The following ARHGAP30 variants were observed in gnomAD, a reference collection of about 807,000 sequenced individuals.
The protein encoded by ARHGAP30 is rho GTPase-activating protein 30.
ARHGAP30 carries 23 observed loss-of-function variants against 72.0 expected under a neutral mutation model. The observed-to-expected ratio is 0.32, with a 90% confidence interval of 0.23 to 0.45. The LOEUF is 0.45. Ranked by LOEUF, ARHGAP30 falls within the 20% of genes least tolerant of loss-of-function variation. The pLI, the probability that ARHGAP30 is intolerant of heterozygous loss-of-function variation, is 1.00. For missense variants in ARHGAP30, 1,319 were observed against 1,383.4 expected (o/e 0.95, Z 0.74); for synonymous variants, 576 against 528.2 (o/e 1.09, Z -1.24).
chr1:161,047,264 C>A lies in ARHGAP30; in HGVS notation c.*451G>T. On this transcript the variant is annotated 3_prime_UTR_variant, in exon 12 of 12. Coordinates refer to ENST00000368013, the MANE Select transcript of ARHGAP30 (RefSeq NM_001025598.2). ...AAAGGGACAGGAGGTATCTTAGGGT[C>A]CAAGAACATAACAGGAATGGGCAAC... 1 of 204,846 alleles carries A rather than the reference C, an allele frequency of 4.9e-6. No homozygotes were observed. The allele number at this position is 204,846 out of a possible 1,614,324, so 12.7% of individuals were successfully genotyped here.
chr1:161,069,856 A>G lies in ARHGAP30; in HGVS notation c.-232T>C. On this transcript the variant is annotated 5_prime_UTR_variant, in exon 1 of 12. Coordinates refer to ENST00000368013, the MANE Select transcript of ARHGAP30 (RefSeq NM_001025598.2). This position sits in a 1 kb window ranked among gnomAD's most constrained non-coding sequence, Gnocchi z 4.9. ...GAAGCTACCAGGACCCTGGCAAGAA[A>G]TTGTGTCCTGTGTCTCGTGGCCCAG... 3.5e-6 allele frequency: 2 copies of G among 570,026 alleles called. No homozygotes were observed. Among genetic ancestry groups the G allele is most frequent in the Non-Finnish European group, 6.3e-6 (2 of 316,938 alleles). The allele number at this position is 570,026 out of a possible 1,614,324, so 35.3% of individuals were successfully genotyped here. A position where few individuals can be genotyped will look rare whatever the true frequency, so the allele number is the denominator to read the frequency against.
rs376275626 is a variant in ARHGAP30, at chr1:161,065,868, CTTATTTAT to C, written c.97+3652_97+3659del. Among the ~76,000 whole-genome samples, 897 of 133,238 alleles carry C rather than the reference CTTATTTAT, an allele frequency of 6.7e-3. 9 individuals carry two copies. Among genetic ancestry groups the C allele is most frequent in the East Asian group, 0.028 (127 of 4,616 alleles). 87.4% of individuals were successfully genotyped at this position (133,238 alleles called of 152,430 possible). On this transcript the variant is annotated intron_variant, in intron 1 of 11. Transcript: ENST00000368013. ...AGGCGTGAGCCACTGCACCCGGCCCCTTATTTATTTATTTATTTATTTATTTATTTATT... is the reference window on the plus strand; with the variant it reads ...AGGCGTGAGCCACTGCACCCGGCCCCTTATTTATTTATTTATTTATTTATT...
rs1360810321 is a variant in ARHGAP30 at position 161,069,414 on chromosome 1, C to T, written c.97+114G>A. On this transcript the variant is annotated intron_variant, in intron 1 of 11. Transcript: ENST00000368013. This position sits in a 1 kb window ranked among gnomAD's most constrained non-coding sequence, Gnocchi z 4.9. The stretch of plus-strand genomic sequence containing the variant: ...GTTCTCTTGAATGGTGACCCCAGGC[C>T]ACTGCCCCTTCCCCAGGAGCACCGG... The T allele has an allele frequency of 9.6e-7, 1 of 1,040,534 alleles. No homozygotes were observed. The highest frequency in any genetic ancestry group is 1.4e-6 in the Non-Finnish European group (1 of 696,358). 64.5% of individuals were successfully genotyped at this position (1,040,534 alleles called of 1,614,324 possible).
chr1:161,048,150 A>G lies in ARHGAP30; in HGVS notation c.2871T>C (p.Ile957=). The G allele has an allele frequency of 1.2e-6, 2 of 1,614,170 alleles. No homozygotes were observed. Among genetic ancestry groups the G allele is most frequent in the Non-Finnish European group, 1.7e-6 (2 of 1,180,024 alleles). Residue 957 remains isoleucine (I), a synonymous_variant, in exon 12 of 12, where the codon ATT becomes ATC. Coordinates refer to ENST00000368013, the MANE Select transcript of ARHGAP30 (RefSeq NM_001025598.2). ...GGCATGGATTTGCAGGTGCCACATG[A>G]ATCTTGCTACACATTGCACTGGGCA... ...AKMPSAMCSK[I]HVAPANPCPR...
chr1:161,054,423 G>T lies in ARHGAP30; in HGVS notation c.479C>A (p.Ala160Asp), dbSNP rs1262738248. ...RHLVHMASFS[A>D]QTNMHARNLA... is the part of the protein sequence containing the mutation. ...GTTGCGAGCATGCATGTTGGTCTGGGCACTGAATGAGGCCATGTGTACCAA... is the reference window on the plus strand; with the variant it reads ...GTTGCGAGCATGCATGTTGGTCTGGTCACTGAATGAGGCCATGTGTACCAA... Residue 160 changes from alanine to aspartate, a missense_variant, in exon 5 of 12, where the codon GCC (alanine) becomes GAC (aspartate). By Grantham distance (126) the Ala-to-Asp change is moderately radical. Around this residue, in one of 2 missense-constraint regions of ARHGAP30, gnomAD observed 222 missense variants for 338.2 expected, o/e 0.66. Coordinates refer to ENST00000368013, the MANE Select transcript of ARHGAP30 (RefSeq NM_001025598.2). 6.2e-7 allele frequency: 1 copy of T among 1,614,046 alleles called. No homozygotes were observed. The highest frequency in any genetic ancestry group is 1.1e-5 in the South Asian group (1 of 91,064).
At position 161,048,144 on chromosome 1, in the gene ARHGAP30, C is replaced by G; in HGVS notation, c.2877G>C (p.Val959=). Residue 959 remains valine, a synonymous_variant, in exon 12 of 12, where the codon GTG becomes GTC. Transcript: ENST00000368013. ...MPSAMCSKIH[V]APANPCPRPG... is the part of the protein sequence containing the mutation. ...GCCTCGGGCATGGATTTGCAGGTGC[C>G]ACATGAATCTTGCTACACATTGCAC... is the stretch of plus-strand genomic sequence containing the variant. 1 of 1,614,176 alleles carries G rather than the reference C, an allele frequency of 6.2e-7. No individual in the cohort carries two copies. The highest frequency in any genetic ancestry group is 8.5e-7 in the Non-Finnish European group (1 of 1,180,024).
chr1:161,055,034 T>G (rs544411778), intron 3 of ARHGAP30, among the ~76,000 whole-genome samples: 1 of 152,282 alleles, frequency 6.6e-6, no homozygotes, highest in Non-Finnish European at 1.5e-5. Flanking sequence ...GTTATTTCAG[T>G]GTGTCCAGGA....
Position 161,053,275 on chromosome 1 carries a change from C to A in ARHGAP30, c.647G>T (p.Gly216Val), listed in dbSNP as rs150160922. The change falls in exon 6 of 12, where the codon GGG becomes GTG. Residue 216 changes from glycine to valine, a missense_variant. Gly to Val is a moderately radical substitution (Grantham distance 109). Coordinates refer to ENST00000368013, the MANE Select transcript of ARHGAP30 (RefSeq NM_001025598.2). ...ACACTGACCAGAGAGGGCAGCACCC[C>A]CAAAGAGCTGGTCCACGTGTGTGAG... The part of the protein sequence containing the change: ...FILTHVDQLF[G>V]GAALSGGEVE... 1.9e-6 allele frequency: 3 copies of A among 1,613,816 alleles called. No homozygotes were observed. In the African/African-American group the frequency reaches 4.0e-5, roughly 22 times the overall value.
chr1:161,048,845 CCTT>C lies in ARHGAP30; in HGVS notation c.2173_2175del (p.Lys725del), dbSNP rs752827763. ...ACACCTTTAGCCTCCATACTGTCAG[CCTT>C]CTTCTGACCTTTGGACTTCTCTTCC... On this transcript the variant is annotated inframe_deletion, in exon 12 of 12. Transcript: ENST00000368013. 7.6e-5 allele frequency: 122 copies of C among 1,614,024 alleles called. No homozygotes were observed. Among genetic ancestry groups the C allele is most frequent in the Middle Eastern group, 1.6e-4 (1 of 6,084 alleles).
chr1:161,064,779 A>AAG (rs1306731099), intron 1 of ARHGAP30, among the ~76,000 whole-genome samples: 1,473 of 98,132 alleles, frequency 0.015, 32 homozygotes, highest in Admixed American at 0.018. Context: ...GAAAGAAAGA[A>AAG]AAAGAAAGAA....
rs767642061 is a variant in ARHGAP30, at chr1:161,047,888, G to A, written c.3133C>T (p.Arg1045Trp). 11 of 1,611,846 alleles carry A rather than the reference G, an allele frequency of 6.8e-6. No homozygotes were observed. The highest frequency in any genetic ancestry group is 6.6e-5 in the South Asian group (6 of 90,836). ...GGGAGCTCCAGGCAGCTAAGGGGCC[G>A]AGGAGAATGGGCAGAGATCATGCTA... ...PCSMISAHSP[R>W]PLSCLELPSE... is the part of the protein sequence containing the mutation. Residue 1045 changes from arginine (R) to tryptophan (W), a missense_variant, in exon 12 of 12, where the codon CGG (arginine) becomes TGG (tryptophan). Physicochemically the swap from Arg to Trp is moderately radical, Grantham distance 101. This residue lies in a region of ARHGAP30 where 1,097 missense variants were observed against 1,045.2 expected (regional missense o/e 1.05). Transcript: ENST00000368013.
chr1:161,065,899 ATTT>A (rs1246052039), intron 1 of ARHGAP30, among the ~76,000 whole-genome samples: 1 of 137,040 alleles, frequency 7.3e-6, no homozygotes, highest in East Asian at 2.2e-4. Context: ...TTATTTATTT[ATTT>A]ATTTATTTAT....
At chr1:161,050,064 A>C (rs1463936443) in intron 10 of ARHGAP30, among the ~76,000 whole-genome samples, 2 of 152,172 alleles carry the variant, frequency 1.3e-5, no homozygotes, top group Non-Finnish European at 2.9e-5. Flanking sequence ...TCTATAGCCC[A>C]TGTTCTTACC....
intron 5 of ARHGAP30, among the ~76,000 whole-genome samples, chr1:161,054,161 G>A (rs1651657175): frequency 1.3e-5 from 2 of 152,146 alleles, no homozygotes; most frequent in South Asian, 4.1e-4. Context: ...TGCCTTTTAG[G>A]GACTTTATTT....
At position 161,054,719 on chromosome 1, in the gene ARHGAP30, G is replaced by C; in HGVS notation, c.346-14C>G. The C allele has an allele frequency of 6.2e-7, 1 of 1,613,222 alleles. No individual in the cohort carries two copies. The highest frequency in any genetic ancestry group is 8.5e-7 in the Non-Finnish European group (1 of 1,179,340). On this transcript the variant is annotated splice_polypyrimidine_tract_variant and intron_variant, in intron 3 of 11. Coordinates refer to ENST00000368013, the MANE Select transcript of ARHGAP30 (RefSeq NM_001025598.2). The stretch of plus-strand genomic sequence containing the variant: ...TCCTACAGCCTCCTGATTGAGAAGA[G>C]TGCAAGAAGCAGGAATCAGTGACCC...
At chr1:161,064,816 A>G (rs1040317537) in intron 1 of ARHGAP30, among the ~76,000 whole-genome samples, 2 of 64,912 alleles carry the variant, frequency 3.1e-5, no homozygotes, top group African/African-American at 2.0e-4. Context: ...AGAAAGAAAG[A>G]AAGAAAGAAA....
At chr1:161,056,668 A>G in intron 2 of ARHGAP30, 136 bp from the exon 3 acceptor site, 1 of 932,630 alleles carries the variant, frequency 1.1e-6, no homozygotes, top group Non-Finnish European at 1.6e-6. Context: ...TGGGACACGT[A>G]CACATGTAAG....
chr1:161,047,912 T>G lies in ARHGAP30; in HGVS notation c.3109A>C (p.Ser1037Arg), dbSNP rs1650987458. The change falls in exon 12 of 12, where the codon AGC becomes CGC. Residue 1037 changes from serine (S) to arginine (R), a missense_variant. Ser to Arg is a moderately radical substitution (Grantham distance 110). This residue lies in a region of ARHGAP30 where 1,097 missense variants were observed against 1,045.2 expected (regional missense o/e 1.05). Transcript: ENST00000368013. ...YCLIPRTSPC[S>R]MISAHSPRPL... ...CGAGGAGAATGGGCAGAGATCATGC[T>G]ACAAGGGGAGGTTCTGGGGATGAGG... is the stretch of plus-strand genomic sequence containing the variant. 6.2e-7 allele frequency: 1 copy of G among 1,612,970 alleles called. No individual in the cohort carries two copies. The highest frequency in any genetic ancestry group is 2.2e-5 in the East Asian group (1 of 44,854).
Position 161,048,787 on chromosome 1 carries a change from T to C in ARHGAP30, c.2234A>G (p.Glu745Gly). 1 of 1,614,142 alleles carries C rather than the reference T, an allele frequency of 6.2e-7. No individual in the cohort carries two copies. Among genetic ancestry groups the C allele is most frequent in the Non-Finnish European group, 8.5e-7 (1 of 1,180,028 alleles). ...TTCTCTCTCAATTTCTTTTTCCTTC[T>C]CATCTGTATACTCATCTCCTCCTGG... Reference protein sequence around the residue: ...EEPGGDEYTDEKEKEIEREED... With the variant: ...EEPGGDEYTDGKEKEIEREED... The change falls in exon 12 of 12, where the codon GAG (glutamate) becomes GGG (glycine). Residue 745 changes from glutamate to glycine, a missense_variant. Physicochemically the swap from Glu to Gly is moderately conservative, Grantham distance 98 (BLOSUM62 -2). Coordinates refer to ENST00000368013, the MANE Select transcript of ARHGAP30 (RefSeq NM_001025598.2).
Sources: allele counts gnomAD v4.1 joint callset (sites outside exome capture counted in the v4.1 genomes callset), GRCh38; gene constraint gnomAD v4.1.1; regional missense constraint gnomAD v4.1.1; non-coding constraint Gnocchi (gnomAD v3.1); transcripts MANE v1.5; gene names NCBI Gene and HGNC (gene_info 2026-07-23, HGNC 2026-07-21).